GALNT17: variants seen among roughly 807,000 people sequenced by gnomAD.
GALNT17 encodes polypeptide N-acetylgalactosaminyltransferase 17, also known as UDP-GalNAc:polypeptide N-acetylgalactosaminyltransferase-like 3.
GALNT17 carries 29 observed loss-of-function variants against 63.7 expected under a neutral mutation model. The observed-to-expected ratio is 0.46, with a 90% CI of 0.34 to 0.62. The LOEUF (loss-of-function observed/expected upper bound fraction) is 0.62, where lower values mean the gene tolerates loss of function less well. Among genes scored for constraint, GALNT17 ranks in the 20% least tolerant of loss-of-function variants. The pLI is 0.01. For missense variants in GALNT17, 603 were observed against 799.6 expected, an observed-to-expected ratio of 0.75 and a Z score of 2.97; for synonymous variants, 305 against 318.3, an observed-to-expected ratio of 0.96 and a Z score of 0.45.
chr7:71,228,071 A>G (rs992975279), intron 1 of GALNT17, among the ~76,000 whole-genome samples: 2 of 152,122 alleles, frequency 1.3e-5, no homozygotes, highest in African/African-American at 4.8e-5. Context: ...CATCTTCAGG[A>G]TACAGCAAGG....
intron 9 of GALNT17, among the ~76,000 whole-genome samples, chr7:71,682,992 T>C (rs1791290746): frequency 6.6e-6 from 1 of 152,060 alleles, no homozygotes; most frequent in Non-Finnish European, 1.5e-5. Context: ...CCCAGCACAG[T>C]GTGGCCCCTT....
At chr7:71,693,297 C>CAT (rs1277874254) in intron 9 of GALNT17, among the ~76,000 whole-genome samples, 30 of 115,664 alleles carry the variant, frequency 2.6e-4, no homozygotes, top group Middle Eastern at 4.3e-3. Flanking sequence ...CACACACACA[C>CAT]ACACACACAC....
intron 1 of GALNT17, among the ~76,000 whole-genome samples, chr7:71,225,175 G>T (rs1636494): frequency 6.6e-6 from 1 of 151,978 alleles, no homozygotes; most frequent in Admixed American, 6.6e-5. Flanking sequence ...CGCCATGTTG[G>T]CCAGGCTGGT....
intron 1 of GALNT17, among the ~76,000 whole-genome samples, chr7:71,207,745 C>A (rs1464638810): frequency 1.3e-5 from 2 of 152,166 alleles, no homozygotes; most frequent in East Asian, 1.9e-4. Flanking sequence ...CTTGTGTGCC[C>A]ATTTATGAGT....
chr7:71,206,562 G>A (rs1357264297), intron 1 of GALNT17, among the ~76,000 whole-genome samples: 1 of 152,170 alleles, frequency 6.6e-6, no homozygotes, highest in Non-Finnish European at 1.5e-5. Flanking sequence ...TTTCCTCAAG[G>A]TAGTGATGAT....
chr7:71,695,122 G>A (rs535662759), intron 9 of GALNT17, among the ~76,000 whole-genome samples: 18 of 152,270 alleles, frequency 1.2e-4, no homozygotes, highest in Middle Eastern at 3.4e-3. Context: ...CCTAGAAGTC[G>A]GAGTGGACTA....
chr7:71,578,512 TG>T (rs1168304804), intron 6 of GALNT17, among the ~76,000 whole-genome samples: 1 of 151,998 alleles, frequency 6.6e-6, no homozygotes, highest in Non-Finnish European at 1.5e-5. Context: ...TGTTGTTTTT[TG>T]GTTCTTTTGT....
chr7:71,377,909 C>T (rs1398879428), intron 2 of GALNT17, among the ~76,000 whole-genome samples: 1 of 152,288 alleles, frequency 6.6e-6, no homozygotes, highest in Admixed American at 6.5e-5. Context: ...TTTCCTGAGG[C>T]CTTCCAAGCC....
At chr7:71,167,014 A>G (rs1428221359) in intron 1 of GALNT17, among the ~76,000 whole-genome samples, 3 of 150,372 alleles carry the variant, frequency 2.0e-5, no homozygotes, top group Non-Finnish European at 3.0e-5. Context: ...AGCTGGGACT[A>G]CAGTTACACA....
intron 7 of GALNT17, among the ~76,000 whole-genome samples, chr7:71,666,952 T>C (rs760713968): frequency 3.5e-4 from 53 of 152,240 alleles, no homozygotes; most frequent in Non-Finnish European, 7.3e-5. Context: ...TAATAGCAGA[T>C]TCTCCTTCTT....
At chr7:71,579,469 C>A (rs1367480074) in intron 6 of GALNT17, among the ~76,000 whole-genome samples, 4 of 152,102 alleles carry the variant, frequency 2.6e-5, no homozygotes, top group Non-Finnish European at 5.9e-5. Flanking sequence ...TGTGAAAAAA[C>A]AAGATAGAGC....
chr7:71,573,637 T>A (rs2116883425), intron 6 of GALNT17, among the ~76,000 whole-genome samples: 1 of 152,186 alleles, frequency 6.6e-6, no homozygotes, highest in African/African-American at 2.4e-5. Context: ...CCTGGCCTAT[T>A]TTATTTTTTA....
At chr7:71,535,623 G>A (rs1297334698) in intron 5 of GALNT17, among the ~76,000 whole-genome samples, 1 of 152,200 alleles carries the variant, frequency 6.6e-6, no homozygotes, top group African/African-American at 2.4e-5. Flanking sequence ...CAAGCAATAA[G>A]TCAACTCACA....
intron 3 of GALNT17, among the ~76,000 whole-genome samples, chr7:71,399,808 T>G (rs959998038): frequency 1.3e-5 from 2 of 152,198 alleles, no homozygotes; most frequent in African/African-American, 2.4e-5. Context: ...CTTTGCCATC[T>G]TTGTTGTTCT....
chr7:71,466,531 G>C (rs1310779685), intron 5 of GALNT17, among the ~76,000 whole-genome samples: 5 of 152,102 alleles, frequency 3.3e-5, no homozygotes, highest in Admixed American at 6.5e-5. Flanking sequence ...TGTTTCTTGT[G>C]GGGGAAATTT....
chr7:71,420,911 T>G lies in GALNT17; in HGVS notation c.768T>G (p.Ala256=). ...DAHVEFTAGW[A]EPVLSRIQEN... is the part of the protein sequence containing the mutation. ...TGTCTATTTCTCTATGTTTCAGGGC[T>G]GAGCCGGTTCTATCCCGCATCCAGG... is the stretch of plus-strand genomic sequence containing the variant. The change falls in exon 5 of 11, where the codon GCT becomes GCG. Residue 256 remains alanine (A), a synonymous_variant. Transcript: ENST00000333538. 2 of 1,614,164 alleles carry G rather than the reference T, an allele frequency of 1.2e-6. No individual in the cohort carries two copies. Among genetic ancestry groups the G allele is most frequent in the Non-Finnish European group, 1.7e-6 (2 of 1,180,018 alleles).
At chr7:71,547,917 C>T (rs1307103225) in intron 5 of GALNT17, among the ~76,000 whole-genome samples, 1 of 151,804 alleles carries the variant, frequency 6.6e-6, no homozygotes, top group African/African-American at 2.4e-5. Context: ...AGTTGAGAGC[C>T]ATGTGAGAGA....
intron 6 of GALNT17, among the ~76,000 whole-genome samples, chr7:71,619,563 A>T (rs1400937515): frequency 2.0e-5 from 3 of 151,528 alleles, no homozygotes; most frequent in Non-Finnish European, 4.4e-5. Flanking sequence ...TATTTTAAGT[A>T]GGATTGTGTT....
At chr7:71,676,718 A>G (rs1264576819) in intron 8 of GALNT17, among the ~76,000 whole-genome samples, 1 of 152,164 alleles carries the variant, frequency 6.6e-6, no homozygotes, top group East Asian at 1.9e-4. Flanking sequence ...TATGCAAATA[A>G]TGACCTGAGA....
Sources: allele counts gnomAD v4.1 joint callset (sites outside exome capture counted in the v4.1 genomes callset), GRCh38; gene constraint gnomAD v4.1.1; transcripts MANE v1.5; gene names NCBI Gene and HGNC (gene_info 2026-07-23, HGNC 2026-07-21).